Variants in ARHGAP44 observed in about 807,000 individuals in gnomAD.
ARHGAP44 encodes rho GTPase-activating protein 44.
ARHGAP44 carries 43 observed loss-of-function variants against 106.8 expected under a neutral mutation model. The observed-to-expected ratio is 0.40, with a 90% CI of 0.32 to 0.52. ARHGAP44 has a LOEUF of 0.52. Ranked by LOEUF, ARHGAP44 falls within the 20% of genes least tolerant of loss-of-function variation. The pLI, the probability that ARHGAP44 is intolerant of heterozygous loss-of-function variation, is 0.48. For synonymous variants in ARHGAP44, 439 were observed against 410.3 expected, an observed-to-expected ratio of 1.07 and a Z score of -0.85; for missense variants, 866 against 1,050.5, an observed-to-expected ratio of 0.82 and a Z score of 2.43.
intron 15 of ARHGAP44, 120 bp downstream of exon 15, chr17:12,956,866 A>AC: frequency 8.0e-6 from 5 of 621,428 alleles, no homozygotes; most frequent in Non-Finnish European, 1.4e-5. Context: ...TTCCCCTATA[A>AC]ACACACACAC....
intron 1 of ARHGAP44, among the ~76,000 whole-genome samples, chr17:12,840,836 G>A (rs1337769034): frequency 1.3e-5 from 2 of 152,160 alleles, no homozygotes; most frequent in African/African-American, 2.4e-5. Flanking sequence ...CTGCAGGAGA[G>A]AACCCCAGCT....
intron 19 of ARHGAP44, among the ~76,000 whole-genome samples, chr17:12,982,243 T>C (rs1598160660): frequency 6.6e-6 from 1 of 152,062 alleles, no homozygotes. Flanking sequence ...CTCAGACCCA[T>C]CTTTTGAAAG....
At chr17:12,812,429 A>G (rs1309539994) in intron 1 of ARHGAP44, among the ~76,000 whole-genome samples, 1 of 152,194 alleles carries the variant, frequency 6.6e-6, no homozygotes, top group Admixed American at 6.5e-5. Flanking sequence ...AGCAAAGGGG[A>G]CATGCAAATC....
chr17:12,967,449 C>T (rs2039422776), intron 16 of ARHGAP44, among the ~76,000 whole-genome samples: 1 of 151,900 alleles, frequency 6.6e-6, no homozygotes, highest in Non-Finnish European at 1.5e-5. Context: ...CCACGCTCCC[C>T]TCCTGCCTCA....
chr17:12,880,669 CACTAGTGGTAGTGAAATCA>C (rs71144932), intron 1 of ARHGAP44, among the ~76,000 whole-genome samples: 73,749 of 151,422 alleles, frequency 0.49, 19,073 homozygotes, highest in East Asian at 0.58. Context: ...CTGGCCCACT[CACTAGTGGTAGTGAAATCA>C]ACTAGTGGTA....
At chr17:12,982,715 A>G (rs943647526) in intron 19 of ARHGAP44, 2 of 152,216 alleles carry the variant, frequency 1.3e-5, no homozygotes, top group Non-Finnish European at 2.9e-5. Flanking sequence ...TTTTCCTCCA[A>G]TTGCATAGAA....
At chr17:12,969,784 G>A (rs1023007911) in intron 16 of ARHGAP44, among the ~76,000 whole-genome samples, 1 of 152,142 alleles carries the variant, frequency 6.6e-6, no homozygotes, top group South Asian at 2.1e-4. Flanking sequence ...ATGGTGCAAG[G>A]ACATGCTAAA....
At chr17:12,877,381 GC>G (rs1474183739) in intron 1 of ARHGAP44, among the ~76,000 whole-genome samples, 4 of 152,070 alleles carry the variant, frequency 2.6e-5, no homozygotes, top group African/African-American at 9.7e-5. Context: ...ACCCACCCTG[GC>G]TTAGACTCTT....
At position 12,928,940 on chromosome 17, in the gene ARHGAP44, C is replaced by A; in HGVS notation, c.476C>A (p.Thr159Asn). The change falls in exon 7 of 21, where the codon ACT becomes AAT. Residue 159 changes from threonine to asparagine, a missense_variant. Thr to Asn is a moderately conservative substitution (Grantham distance 65). This residue lies in a region of ARHGAP44 where 448 missense variants were observed against 646.9 expected (regional missense o/e 0.69). Transcript: ENST00000379672. The part of the protein sequence containing the change: ...MDSSRTRWQQ[T>N]SKSSGLSSSL... ...CTATTTTCCATCAGGTGGCAGCAGA[C>A]TTCCAAGTCTTCAGGTTTGTCCAGC... 1 of 1,612,006 alleles carries A rather than the reference C, an allele frequency of 6.2e-7. No homozygotes were observed. Among genetic ancestry groups the A allele is most frequent in the Non-Finnish European group, 8.5e-7 (1 of 1,179,086 alleles).
In ARHGAP44 at chr17:12,949,503, C is replaced by G; in HGVS notation, c.974-146C>G. 1.3e-6 allele frequency: 1 copy of G among 772,856 alleles called. No individual in the cohort carries two copies. The highest frequency in any genetic ancestry group is 2.6e-5 in the East Asian group (1 of 37,838). 47.9% of individuals were successfully genotyped at this position (772,856 alleles called of 1,614,324 possible). ...AGGTCCCCTGTCAGAGCCTCATACCCATTTCCATAGGAAGCTACCATTTGC... is the reference window on the plus strand; with the variant it reads ...AGGTCCCCTGTCAGAGCCTCATACCGATTTCCATAGGAAGCTACCATTTGC... On this transcript the variant is annotated intron_variant, in intron 11 of 20. Coordinates refer to ENST00000379672, the MANE Select transcript of ARHGAP44 (RefSeq NM_014859.6). The surrounding 1 kb of genome is among the most constrained non-coding windows in gnomAD (Gnocchi z 4.1).
At chr17:12,792,254 C>T (rs2033786594) in intron 1 of ARHGAP44, among the ~76,000 whole-genome samples, 2 of 152,100 alleles carry the variant, frequency 1.3e-5, no homozygotes, top group Non-Finnish European at 2.9e-5. Context: ...TTCAAGAGGC[C>T]CTTCCTCCCC....
chr17:12,938,811 A>AT (rs990346195), intron 7 of ARHGAP44, among the ~76,000 whole-genome samples: 17 of 152,124 alleles, frequency 1.1e-4, no homozygotes, highest in Non-Finnish European at 1.2e-4. Flanking sequence ...TTGAAGTGTG[A>AT]TTTTTTTGGA....
At chr17:12,837,233 AT>A (rs2035263446) in intron 1 of ARHGAP44, among the ~76,000 whole-genome samples, 1 of 152,342 alleles carries the variant, frequency 6.6e-6, no homozygotes, top group Non-Finnish European at 1.5e-5. Context: ...TGAAAATACA[AT>A]GTATCAAAAT....
intron 16 of ARHGAP44, among the ~76,000 whole-genome samples, chr17:12,966,592 C>A (rs2143260841): frequency 6.6e-6 from 1 of 152,330 alleles, no homozygotes; most frequent in African/African-American, 2.4e-5. Context: ...TCCGGGACAT[C>A]ATCTGCTGAC....
chr17:12,912,133 A>G (rs2037755339), intron 4 of ARHGAP44, among the ~76,000 whole-genome samples: 1 of 152,228 alleles, frequency 6.6e-6, no homozygotes. Context: ...GAAGAAACAG[A>G]TTGTGTAGGG....
intron 20 of ARHGAP44, 111 bp from the exon 21 acceptor site, chr17:12,989,921 C>T: frequency 2.1e-6 from 3 of 1,457,554 alleles, no homozygotes; most frequent in Non-Finnish European, 2.8e-6. Context: ...ATGATCTATC[C>T]CTAGAATAGC....
At chr17:12,881,527 C>T (rs2036737930) in intron 1 of ARHGAP44, among the ~76,000 whole-genome samples, 1 of 152,070 alleles carries the variant, frequency 6.6e-6, no homozygotes, top group Non-Finnish European at 1.5e-5. Context: ...CCTTCTGTTT[C>T]AGTGACCGAT....
intron 1 of ARHGAP44, among the ~76,000 whole-genome samples, chr17:12,869,798 T>G (rs1053584462): frequency 5.3e-5 from 8 of 152,170 alleles, no homozygotes; most frequent in African/African-American, 1.9e-4. Flanking sequence ...TGTAACTTTT[T>G]TTTTTTACTA....
intron 1 of ARHGAP44, among the ~76,000 whole-genome samples, chr17:12,890,631 C>T (rs933919970): frequency 3.9e-5 from 6 of 152,204 alleles, no homozygotes; most frequent in Admixed American, 3.9e-4. Flanking sequence ...AGGTAATTCT[C>T]TCATTGCCTT....
Sources: gnomAD v4.1 joint callset for allele counts (sites outside exome capture counted in the v4.1 genomes callset) on GRCh38, gnomAD v4.1.1 for gene constraint, gnomAD v4.1.1 regional missense constraint, Gnocchi (gnomAD v3.1) non-coding constraint, MANE v1.5 for transcripts, NCBI Gene and HGNC (gene_info 2026-07-23, HGNC 2026-07-21) for gene names.